The following MED15 variants were observed in gnomAD, a reference collection of about 807,000 sequenced individuals.
MED15 encodes the protein mediator complex subunit 15.
Under a neutral mutation model 118.7 loss-of-function variants are expected in MED15, and 41 were observed. The ratio of observed to expected loss-of-function variants is 0.35; its 90% CI spans 0.27 to 0.45. The LOEUF (loss-of-function observed/expected upper bound fraction) is 0.45. Among genes scored for constraint, MED15 ranks in the 20% least tolerant of loss-of-function variants. MED15 has a pLI of 1.00. For synonymous variants in MED15, 436 were observed against 413.9 expected, an observed-to-expected ratio of 1.05 and a Z score of -0.65; for missense variants, 740 against 1,025.5, an observed-to-expected ratio of 0.72 and a Z score of 3.80.
At chr22:20,573,370 CCAAGA>C (rs2056727373) in intron 8 of MED15, among the ~76,000 whole-genome samples, 1 of 152,196 alleles carries the variant, frequency 6.6e-6, no homozygotes, top group South Asian at 2.1e-4. Flanking sequence ...AAAGAATTAT[CCAAGA>C]CAGACTCCCA....
At chr22:20,566,404 G>A in intron 6 of MED15, 63 bp from the exon 7 acceptor site, 1 of 1,590,652 alleles carries the variant, frequency 6.3e-7, no homozygotes, top group Non-Finnish European at 8.5e-7. Flanking sequence ...GACTGTCACA[G>A]GGAGGAGCTG....
At chr22:20,573,461 C>G (rs2056731044) in intron 8 of MED15, among the ~76,000 whole-genome samples, 1 of 152,122 alleles carries the variant, frequency 6.6e-6, no homozygotes, top group South Asian at 2.1e-4. Context: ...GACCCTCTCT[C>G]TTTTTGCTGG....
chr22:20,508,153 G>T (rs1457259028), intron 1 of MED15: 2 of 1,220,056 alleles, frequency 1.6e-6, no homozygotes, highest in East Asian at 1.1e-4. Context: ...AACGGTGAAA[G>T]AAAGTGATGG....
At chr22:20,533,245 C>T (rs1327988417) in intron 1 of MED15, among the ~76,000 whole-genome samples, 9 of 152,042 alleles carry the variant, frequency 5.9e-5, no homozygotes, top group Non-Finnish European at 1.2e-4. Context: ...TGGGTACCCT[C>T]CTGGAGTCAA....
intron 5 of MED15, among the ~76,000 whole-genome samples, chr22:20,561,035 A>C (rs1474017356): frequency 3.3e-5 from 5 of 152,230 alleles, no homozygotes; most frequent in Non-Finnish European, 5.9e-5. Flanking sequence ...AAATGCTAAA[A>C]TATTGATGAG....
chr22:20,508,031 CT>C lies in MED15; in HGVS notation c.68+288del. 4 of 1,392,704 alleles carry C rather than the reference CT, an allele frequency of 2.9e-6. No individual in the cohort carries two copies. In the South Asian group the frequency reaches 6.2e-5, roughly 21 times the overall value. The allele number at this position is 1,392,704 out of a possible 1,614,324, so 86.3% of individuals were successfully genotyped here. ...GTCATTTGTGTGCTTTGGGTGCAGA[CT>C]TTCCCCCGCTTTTTGAACCACACTG... On this transcript the variant is annotated intron_variant, in intron 1 of 17. Transcript: ENST00000263205.
intron 2 of MED15, among the ~76,000 whole-genome samples, chr22:20,538,386 A>T (rs896288314): frequency 6.6e-6 from 1 of 151,874 alleles, no homozygotes; most frequent in Non-Finnish European, 1.5e-5. Flanking sequence ...AGTAGCTGGG[A>T]CTACAGGCAT....
intron 1 of MED15, 108 bp from the exon 2 acceptor site, chr22:20,537,009 T>G (rs1409467129): frequency 1.0e-6 from 1 of 973,686 alleles, no homozygotes; most frequent in African/African-American, 1.6e-5. Context: ...GTGCTGGCGA[T>G]AGCACCTTGT....
Position 20,585,830 on chromosome 22 carries a change from G to A in MED15, c.2230+4G>A, listed in dbSNP as rs1449771434. The stretch of plus-strand genomic sequence containing the variant: ...ATAGACCGGCAGTGGCAGTACGGTA[G>A]GTAGACCCAGAGGAGCTGTCTGGGG... On this transcript the variant is annotated splice_donor_region_variant and intron_variant, in intron 17 of 17. Coordinates refer to ENST00000263205, the MANE Select transcript of MED15 (RefSeq NM_001003891.3). 6.2e-7 allele frequency: 1 copy of A among 1,612,392 alleles called. No individual in the cohort carries two copies. The highest frequency in any genetic ancestry group is 1.1e-5 in the South Asian group (1 of 91,058).
At chr22:20,583,556 A>G (rs761814694) in intron 13 of MED15, 163 bp downstream of exon 13, 18 of 790,128 alleles carry the variant, frequency 2.3e-5, no homozygotes, top group Non-Finnish European at 3.4e-5. Context: ...TGGGGCTTCA[A>G]GCCCAGGCTT....
chr22:20,518,782 G>C (rs571812608), intron 1 of MED15: 4 of 431,752 alleles, frequency 9.3e-6, no homozygotes, highest in African/African-American at 8.0e-5. Flanking sequence ...TGCCTAAACC[G>C]TTCTGAACTT....
chr22:20,533,568 TGGA>T (rs1023979633), intron 1 of MED15, among the ~76,000 whole-genome samples: 3 of 152,152 alleles, frequency 2.0e-5, no homozygotes, highest in African/African-American at 7.2e-5. Flanking sequence ...GTAGCCTTGC[TGGA>T]GGAGCGCCTT....
At chr22:20,563,332 G>T (rs2056314499) in intron 5 of MED15, among the ~76,000 whole-genome samples, 1 of 152,170 alleles carries the variant, frequency 6.6e-6, no homozygotes. Context: ...ACACTGTGAG[G>T]TGCTTGTACC....
intron 1 of MED15, among the ~76,000 whole-genome samples, chr22:20,524,985 G>T (rs898760769): frequency 1.3e-5 from 2 of 152,082 alleles, no homozygotes; most frequent in African/African-American, 2.4e-5. Context: ...TCCCTGTGTT[G>T]ACTGAGACAG....
At chr22:20,568,849 C>T (rs535692995) in intron 8 of MED15, among the ~76,000 whole-genome samples, 3 of 152,286 alleles carry the variant, frequency 2.0e-5, no homozygotes, top group East Asian at 1.9e-4. Flanking sequence ...CCGCATAGTG[C>T]GTGTCGTTTC....
intron 9 of MED15, chr22:20,582,250 A>G (rs2057009059): frequency 2.7e-6 from 1 of 364,454 alleles, no homozygotes; most frequent in Non-Finnish European, 5.1e-6. Flanking sequence ...AGCATGTCAC[A>G]GGACAGGCAG....
At chr22:20,521,334 G>T (rs199676590) in intron 1 of MED15, among the ~76,000 whole-genome samples, 1 of 150,574 alleles carries the variant, frequency 6.6e-6, no homozygotes, top group Non-Finnish European at 1.5e-5. Flanking sequence ...TGACCTCAGG[G>T]GATCCACCCA....
intron 1 of MED15, among the ~76,000 whole-genome samples, chr22:20,516,714 G>A (rs754583329): frequency 6.6e-6 from 1 of 152,202 alleles, no homozygotes; most frequent in South Asian, 2.1e-4. Flanking sequence ...TGGCAGGGCT[G>A]TGGGGTACTA....
chr22:20,513,001 A>C (rs2054128594), intron 1 of MED15, among the ~76,000 whole-genome samples: 1 of 151,696 alleles, frequency 6.6e-6, no homozygotes, highest in Non-Finnish European at 1.5e-5. Context: ...CGGCCTCCCA[A>C]AGTGCTGAGA....
Sources: allele counts gnomAD v4.1 joint callset (sites outside exome capture counted in the v4.1 genomes callset), GRCh38; gene constraint gnomAD v4.1.1; transcripts MANE v1.5; gene names NCBI Gene and HGNC (gene_info 2026-07-23, HGNC 2026-07-21).